The following DPP10 variants were observed in gnomAD, a reference collection of about 807,000 sequenced individuals.
DPP10 encodes inactive dipeptidyl peptidase 10.
In DPP10, 33 loss-of-function variants were observed where a neutral mutation model predicts 120.9. The observed-to-expected ratio is 0.27, with a 90% CI of 0.21 to 0.37. The LOEUF (loss-of-function observed/expected upper bound fraction) is 0.37. DPP10 is among the 10% of genes least tolerant of loss of function. DPP10 has a pLI of 1.00. For missense variants in DPP10, 816 were observed against 942.8 expected (o/e 0.87, Z 1.76); for synonymous variants, 337 against 326.1 (o/e 1.03, Z -0.36).
Position 115,672,174 on chromosome 2 carries a change from G to A in DPP10, c.442-17513G>A, listed in dbSNP as rs537943415. Among the ~76,000 whole-genome samples, 7 of 152,262 alleles carry A rather than the reference G, an allele frequency of 4.6e-5. No individual in the cohort carries two copies. The South Asian group carries it at 1.5e-3, about 32-fold the overall frequency. On this transcript the variant is annotated intron_variant, in intron 5 of 25. Coordinates refer to ENST00000410059, the MANE Select transcript of DPP10 (RefSeq NM_020868.6). ...ATGCCCTGTATTTGAAAATCTTTTAGTTATTCCATTATAGACCTTGGTGTG... is the reference window on the plus strand; with the variant it reads ...ATGCCCTGTATTTGAAAATCTTTTAATTATTCCATTATAGACCTTGGTGTG...
intron 5 of DPP10, among the ~76,000 whole-genome samples, chr2:115,543,406 C>A (rs756060511): frequency 6.6e-6 from 1 of 152,054 alleles, no homozygotes; most frequent in Non-Finnish European, 1.5e-5. Flanking sequence ...CTGAATTGAA[C>A]TGGTGCTTGG....
chr2:115,350,300 C>T (rs2063942633), intron 3 of DPP10, among the ~76,000 whole-genome samples: 1 of 151,956 alleles, frequency 6.6e-6, no homozygotes, highest in Admixed American at 6.6e-5. Flanking sequence ...CAAGTATATG[C>T]AAAGAAAATA....
chr2:114,574,089 A>G (rs1197798896), intron 1 of DPP10, among the ~76,000 whole-genome samples: 4 of 152,162 alleles, frequency 2.6e-5, no homozygotes, highest in East Asian at 3.9e-4. Flanking sequence ...TTATGCAATG[A>G]TGGGGAAGAA....
At chr2:114,466,532 G>A (rs1188939706) in intron 1 of DPP10, among the ~76,000 whole-genome samples, 1 of 152,080 alleles carries the variant, frequency 6.6e-6, no homozygotes, top group African/African-American at 2.4e-5. Context: ...TGTGACCTTA[G>A]GCAGGTTGTT....
rs188172225 is a variant in DPP10 at position 114,662,099 on chromosome 2, C to T, written c.60+219261C>T. Among the ~76,000 whole-genome samples the T allele has an allele frequency of 8.5e-5, 13 of 152,078 alleles. No individual in the cohort carries two copies. In the East Asian group the frequency reaches 2.5e-3, roughly 30 times the overall value. ...TCCCTCTGCTCTGTTCCTAGCAGGGCTGGAAAGGCCTCTGCCGCTCAGTGG... is the reference window on the plus strand; with the variant it reads ...TCCCTCTGCTCTGTTCCTAGCAGGGTTGGAAAGGCCTCTGCCGCTCAGTGG... On this transcript the variant is annotated intron_variant, in intron 1 of 25. Coordinates refer to ENST00000410059, the MANE Select transcript of DPP10 (RefSeq NM_020868.6).
chr2:115,667,556 A>G (rs753776511), intron 5 of DPP10, among the ~76,000 whole-genome samples: 3 of 152,116 alleles, frequency 2.0e-5, no homozygotes, highest in Non-Finnish European at 4.4e-5. Context: ...ATTCTTCTCC[A>G]AATGTCTTGC....
At chr2:115,696,150 G>A (rs1029983442) in intron 7 of DPP10, among the ~76,000 whole-genome samples, 1 of 152,060 alleles carries the variant, frequency 6.6e-6, no homozygotes, top group Non-Finnish European at 1.5e-5. Flanking sequence ...AGGATTATGG[G>A]AATGTTAGAA....
intron 1 of DPP10, among the ~76,000 whole-genome samples, chr2:114,514,174 G>T (rs545920309): frequency 6.6e-6 from 1 of 152,152 alleles, no homozygotes. Flanking sequence ...TAATTTGCTC[G>T]TGGCTAGCTG....
At chr2:115,613,638 T>C (rs937060516) in intron 5 of DPP10, among the ~76,000 whole-genome samples, 2 of 152,220 alleles carry the variant, frequency 1.3e-5, no homozygotes, top group Non-Finnish European at 2.9e-5. Flanking sequence ...TCAGCAAGTC[T>C]GTTGCTGACA....
intron 5 of DPP10, among the ~76,000 whole-genome samples, chr2:115,592,042 C>G (rs1009224088): frequency 7.9e-5 from 12 of 152,266 alleles, no homozygotes; most frequent in East Asian, 3.9e-4. Context: ...TCTTTTCCCC[C>G]TACCTACTAA....
intron 1 of DPP10, among the ~76,000 whole-genome samples, chr2:114,945,335 G>A (rs528120194): frequency 7.5e-4 from 114 of 152,320 alleles, no homozygotes; most frequent in African/African-American, 2.6e-3. Context: ...TGTAAAGTAT[G>A]TATCTGATAA....
chr2:115,175,920 G>T (rs1312938420), intron 1 of DPP10, among the ~76,000 whole-genome samples: 6 of 152,218 alleles, frequency 3.9e-5, no homozygotes, highest in African/African-American at 1.2e-4. Flanking sequence ...ATCACTTGGG[G>T]ATATTGCTGA....
intron 1 of DPP10, among the ~76,000 whole-genome samples, chr2:115,308,215 A>C (rs2061434296): frequency 6.6e-6 from 1 of 152,042 alleles, no homozygotes; most frequent in Non-Finnish European, 1.5e-5. Context: ...AATGTTTTCT[A>C]TTCTGTTTAT....
chr2:114,631,160 G>A (rs2105374644), intron 1 of DPP10, among the ~76,000 whole-genome samples: 1 of 152,218 alleles, frequency 6.6e-6, no homozygotes, highest in African/African-American at 2.4e-5. Context: ...TTTTAAAGGG[G>A]GTGAGAAAAC....
chr2:114,569,169 AG>A (rs1313353596), intron 1 of DPP10, among the ~76,000 whole-genome samples: 1 of 152,214 alleles, frequency 6.6e-6, no homozygotes, highest in Non-Finnish European at 1.5e-5. Context: ...ACACTGAGAA[AG>A]TCTCTTAGAG....
At chr2:114,760,099 A>G (rs1178987089) in intron 1 of DPP10, among the ~76,000 whole-genome samples, 1 of 152,186 alleles carries the variant, frequency 6.6e-6, no homozygotes, top group Non-Finnish European at 1.5e-5. Flanking sequence ...AAGTCCCTCC[A>G]GCTGGTCTCC....
intron 1 of DPP10, among the ~76,000 whole-genome samples, chr2:115,039,935 T>C (rs2105292421): frequency 6.6e-6 from 1 of 152,016 alleles, no homozygotes; most frequent in South Asian, 2.1e-4. Context: ...AAGCTCACCT[T>C]ACATGGCCCA....
intron 7 of DPP10, among the ~76,000 whole-genome samples, chr2:115,709,352 C>T (rs867773902): frequency 3.9e-5 from 6 of 152,196 alleles, no homozygotes; most frequent in East Asian, 1.9e-4. Flanking sequence ...TGTGCACGTA[C>T]TCAGGCAAGT....
chr2:114,517,374 G>C (rs1204271202), intron 1 of DPP10, among the ~76,000 whole-genome samples: 1 of 152,070 alleles, frequency 6.6e-6, no homozygotes, highest in Non-Finnish European at 1.5e-5. Context: ...TATAAAATTA[G>C]CCAGGTGTAG....
Sources: allele counts gnomAD v4.1 joint callset (sites outside exome capture counted in the v4.1 genomes callset), GRCh38; gene constraint gnomAD v4.1.1; transcripts MANE v1.5; gene names NCBI Gene and HGNC (gene_info 2026-07-23, HGNC 2026-07-21).